The following RPS6KA3 variants were observed in gnomAD, a reference collection of about 807,000 sequenced individuals.
RPS6KA3 encodes ribosomal protein S6 kinase alpha-3.
A neutral mutation model predicts 67.2 loss-of-function variants in RPS6KA3; 4 were observed. The observed-to-expected ratio is 0.06, with a 90% CI of 0.03 to 0.14. The LOEUF is 0.14. RPS6KA3 is among the 10% of genes least tolerant of loss of function. The probability of loss-of-function intolerance (pLI) is 1.00; values close to 1 mark genes in which losing one functional copy is unlikely to be tolerated. For synonymous variants in RPS6KA3, 182 were observed against 183.7 expected, an observed-to-expected ratio of 0.99 and a Z score of 0.07; for missense variants, 204 against 559.0, an observed-to-expected ratio of 0.36 and a Z score of 6.40.
At chrX:20,173,052 A>C (rs960226073) in intron 14 of RPS6KA3, among the ~76,000 whole-genome samples, 181 bp from the exon 15 acceptor site, 3 of 112,448 alleles carry the variant, frequency 2.7e-5, no homozygotes, top group Non-Finnish European at 3.8e-5. Context: ...TTTACAATGA[A>C]GTGTACAGCA....
At chrX:20,189,711 T>A (rs1341721616) in intron 7 of RPS6KA3, among the ~76,000 whole-genome samples, 2 of 112,410 alleles carry the variant, frequency 1.8e-5, no homozygotes, top group African/African-American at 6.5e-5. Flanking sequence ...ATAAACTGTT[T>A]CACTTATATT....
intron 3 of RPS6KA3, among the ~76,000 whole-genome samples, chrX:20,208,496 G>A (rs757631674): frequency 2.2e-4 from 24 of 111,322 alleles, no homozygotes; most frequent in African/African-American, 6.9e-4. Flanking sequence ...CAAGTGGATC[G>A]CTTTGAGCTC....
chrX:20,206,692 C>T (rs763385664), intron 3 of RPS6KA3, among the ~76,000 whole-genome samples: 22 of 112,018 alleles, frequency 2.0e-4, no homozygotes, highest in Non-Finnish European at 3.2e-4. Flanking sequence ...ATGAAGATGA[C>T]GTATGTAATG....
intron 1 of RPS6KA3, among the ~76,000 whole-genome samples, chrX:20,253,096 G>T (rs2069929597): frequency 9.1e-6 from 1 of 110,013 alleles, no homozygotes; most frequent in South Asian, 3.9e-4. Context: ...CTTCCTGCCT[G>T]GTCTGCCAAA....
At chrX:20,175,137 T>C (rs749008984) in intron 14 of RPS6KA3, 27 bp downstream of exon 14, 20 of 1,178,827 alleles carry the variant, frequency 1.7e-5, no homozygotes, top group Middle Eastern at 2.3e-4. Flanking sequence ...ACATTCCAAA[T>C]CTAAAATTAT....
intron 1 of RPS6KA3, among the ~76,000 whole-genome samples, chrX:20,266,265 T>C (rs1220356049): frequency 1.0e-5 from 1 of 100,056 alleles, no homozygotes; most frequent in Non-Finnish European, 2.1e-5. Context: ...CGCCTCCCGC[T>C]TCCCCCACGC....
At position 20,153,840 on chromosome X, in the gene RPS6KA3, C is replaced by CA. The variant is rs2067142772; in HGVS notation, c.*1557dup. ...TTCACCATGTTGGCCAGGCTGGTCT[C>CA]AAACTCCTGACCTCAGGTGATCCAC... is the stretch of plus-strand genomic sequence containing the variant. On this transcript the variant is annotated 3_prime_UTR_variant, in exon 22 of 22. Coordinates refer to ENST00000379565, the MANE Select transcript of RPS6KA3 (RefSeq NM_004586.3). 9.0e-6 allele frequency: 1 copy of CA among 111,715 alleles called. No homozygotes were observed. Among genetic ancestry groups the CA allele is most frequent in the Admixed American group, 9.5e-5 (1 of 10,559 alleles). The allele number at this position is 111,715 out of a possible 1,213,427, so 9.2% of individuals were successfully genotyped here. A position where few individuals can be genotyped will look rare whatever the true frequency, so the allele number is the denominator to read the frequency against.
rs1374314338 is a variant in RPS6KA3 at position 20,256,442 on chromosome X, C to T, written c.69+10122G>A. Among the ~76,000 whole-genome samples the T allele has an allele frequency of 2.7e-5, 3 of 111,231 alleles. No individual in the cohort carries two copies. The Admixed American group carries it at 2.9e-4, about 11-fold the overall frequency. ...AATAAGCTGCAATCAAAGAACAGAGCACATTTACTCATGCATACACCTAGA... is the reference window on the plus strand; with the variant it reads ...AATAAGCTGCAATCAAAGAACAGAGTACATTTACTCATGCATACACCTAGA... On this transcript the variant is annotated intron_variant, in intron 1 of 21. Transcript: ENST00000379565.
At chrX:20,230,447 G>C (rs2069230248) in intron 2 of RPS6KA3, among the ~76,000 whole-genome samples, 1 of 112,075 alleles carries the variant, frequency 8.9e-6, no homozygotes, top group Admixed American at 9.5e-5. Context: ...AGATCTGAAA[G>C]ATGACCAGGA....
chrX:20,247,883 A>C (rs901967748), intron 1 of RPS6KA3, among the ~76,000 whole-genome samples: 10 of 112,024 alleles, frequency 8.9e-5, no homozygotes, highest in African/African-American at 2.3e-4. Flanking sequence ...AACAAAAAAA[A>C]CCTTCAAATC....
At chrX:20,196,859 T>G (rs1196662292) in intron 4 of RPS6KA3, among the ~76,000 whole-genome samples, 1 of 111,991 alleles carries the variant, frequency 8.9e-6, no homozygotes, top group Non-Finnish European at 1.9e-5. Context: ...CCCTTTTTTT[T>G]GAGATAGGAT....
chrX:20,230,737 A>G (rs899899090), intron 2 of RPS6KA3, among the ~76,000 whole-genome samples: 2 of 111,612 alleles, frequency 1.8e-5, no homozygotes, highest in Non-Finnish European at 3.8e-5. Flanking sequence ...TTCTTCCACA[A>G]CTGACATAAC....
At chrX:20,169,179 TG>T (rs1043922518) in intron 16 of RPS6KA3, among the ~76,000 whole-genome samples, 4 of 111,757 alleles carry the variant, frequency 3.6e-5, no homozygotes, top group Non-Finnish European at 5.6e-5. Context: ...AATTTTTTTT[TG>T]TAGAGATGGA....
In RPS6KA3 at chrX:20,149,992, A is replaced by G. The variant is rs2067078017; in HGVS notation, c.*5406T>C. The G allele has an allele frequency of 8.8e-6, 1 of 113,257 alleles. No individual in the cohort carries two copies. Among genetic ancestry groups the G allele is most frequent in the Admixed American group, 9.4e-5 (1 of 10,680 alleles). The allele number at this position is 113,257 out of a possible 1,213,427, so 9.3% of individuals were successfully genotyped here. On this transcript the variant is annotated 3_prime_UTR_variant, in exon 22 of 22. Transcript: ENST00000379565. Reference sequence around the variant, plus strand: ...CCTGTTCTATGACAGGAATACAAGCAATATTGTTCCAGGATTATTCATGGA... The same window carrying G: ...CCTGTTCTATGACAGGAATACAAGCGATATTGTTCCAGGATTATTCATGGA...
chrX:20,219,788 A>G (rs1410938590), intron 2 of RPS6KA3, among the ~76,000 whole-genome samples: 1 of 111,999 alleles, frequency 8.9e-6, no homozygotes, highest in African/African-American at 3.2e-5. Context: ...TATTCAGAAC[A>G]TAATCACTGT....
At chrX:20,204,380 A>G (rs1311967362) in intron 3 of RPS6KA3, among the ~76,000 whole-genome samples, 1 of 111,988 alleles carries the variant, frequency 8.9e-6, no homozygotes, top group Admixed American at 9.5e-5. Context: ...TTTAAACTAC[A>G]TATGTATGAA....
Position 20,266,780 on chromosome X carries a change from AGCG to A in RPS6KA3, c.-151_-149del, listed in dbSNP as rs1569287173. The A allele has an allele frequency of 9.1e-6, 3 of 330,182 alleles. No homozygotes were observed. Among genetic ancestry groups the A allele is most frequent in the Non-Finnish European group, 1.2e-5 (3 of 255,125 alleles). 27.2% of individuals were successfully genotyped at this position (330,182 alleles called of 1,213,427 possible). ...CAGCGGCAGCGGCAGCAGCAGCAGC[AGCG>A]GCGGCGGCCCCAGAGAGGGCTCGAC... On this transcript the variant is annotated 5_prime_UTR_variant, in exon 1 of 22. Transcript: ENST00000379565.
intron 2 of RPS6KA3, among the ~76,000 whole-genome samples, chrX:20,226,734 C>T (rs1206340919): frequency 2.7e-5 from 3 of 111,673 alleles, no homozygotes; most frequent in Non-Finnish European, 5.7e-5. Flanking sequence ...TATATATGCT[C>T]TTGGTACCCT....
At chrX:20,252,382 G>A (rs770985643) in intron 1 of RPS6KA3, among the ~76,000 whole-genome samples, 1 of 110,620 alleles carries the variant, frequency 9.0e-6, no homozygotes, top group Non-Finnish European at 1.9e-5. Flanking sequence ...ATGGATATTT[G>A]GAGATTATAG....
Sources: gnomAD v4.1 joint callset for allele counts (sites outside exome capture counted in the v4.1 genomes callset) on GRCh38, gnomAD v4.1.1 for gene constraint, MANE v1.5 for transcripts, NCBI Gene and HGNC (gene_info 2026-07-23, HGNC 2026-07-21) for gene names.